ABCB1: variants seen among roughly 807,000 people sequenced by gnomAD.
ABCB1 encodes ATP binding cassette subfamily B member 1.
ABCB1 carries 69 observed loss-of-function variants against 142.0 expected under a neutral mutation model. The ratio of observed to expected loss-of-function variants is 0.49; its 90% confidence interval spans 0.40 to 0.59. ABCB1 has a LOEUF of 0.59. Ranked by LOEUF, ABCB1 falls within the 20% of genes least tolerant of loss-of-function variation. The pLI is 0.00. For synonymous variants in ABCB1, 532 were observed against 539.2 expected (o/e 0.99, Z 0.18); for missense variants, 1,326 against 1,554.7 (o/e 0.85, Z 2.47).
intron 20 of ABCB1, among the ~76,000 whole-genome samples, chr7:87,534,938 A>C (rs1234922570): frequency 7.2e-6 from 1 of 138,866 alleles, no homozygotes; most frequent in Non-Finnish European, 1.6e-5. Context: ...AAAAAAAAAA[A>C]AACTCCATTT....
chr7:87,553,968 T>G (rs1251057172), intron 8 of ABCB1, 36 bp from the exon 9 acceptor site: 1 of 1,571,396 alleles, frequency 6.4e-7, no homozygotes, highest in Non-Finnish European at 8.8e-7. Flanking sequence ...CATATACATT[T>G]TATGAAAACA....
chr7:87,658,615 A>C (rs1824367862), intron 1 of ABCB1, among the ~76,000 whole-genome samples: 1 of 152,208 alleles, frequency 6.6e-6, no homozygotes, highest in South Asian at 2.1e-4. Flanking sequence ...AAAGACAAAG[A>C]AAAAATGTTG....
intron 22 of ABCB1, among the ~76,000 whole-genome samples, chr7:87,520,275 T>C (rs1815440205): frequency 6.6e-6 from 1 of 152,160 alleles, no homozygotes; most frequent in Non-Finnish European, 1.5e-5. Context: ...CCTTTTATTA[T>C]AAGAAACAGA....
chr7:87,596,542 C>T (rs1038390626), intron 2 of ABCB1, among the ~76,000 whole-genome samples: 3 of 152,058 alleles, frequency 2.0e-5, no homozygotes, highest in Non-Finnish European at 4.4e-5. Context: ...CCATTTTCTA[C>T]TCTGTGTAAC....
chr7:87,656,779 T>C (rs1402841976), intron 1 of ABCB1, among the ~76,000 whole-genome samples: 1 of 152,210 alleles, frequency 6.6e-6, no homozygotes, highest in Non-Finnish European at 1.5e-5. Flanking sequence ...CTATTTTTCT[T>C]CTAAACTTAT....
At chr7:87,541,495 T>G (rs1248852477) in intron 17 of ABCB1, 31 bp from the exon 18 acceptor site, 1 of 1,463,746 alleles carries the variant, frequency 6.8e-7, no homozygotes, top group East Asian at 2.3e-5. Flanking sequence ...GATTTTTAGT[T>G]CAATCAGTGA....
chr7:87,621,561 A>T (rs1820223705), intron 1 of ABCB1, among the ~76,000 whole-genome samples: 2 of 152,162 alleles, frequency 1.3e-5, no homozygotes, highest in African/African-American at 4.8e-5. Flanking sequence ...TTATTATCTT[A>T]CCATACAGAA....
intron 1 of ABCB1, among the ~76,000 whole-genome samples, chr7:87,699,419 T>C (rs962281800): frequency 1.4e-4 from 21 of 152,246 alleles, no homozygotes; most frequent in African/African-American, 4.8e-4. Flanking sequence ...AGAATTCTTT[T>C]TTTTTACAGA....
intron 1 of ABCB1, among the ~76,000 whole-genome samples, chr7:87,711,579 A>G (rs1435887435): frequency 6.6e-6 from 1 of 152,124 alleles, no homozygotes; most frequent in Non-Finnish European, 1.5e-5. Context: ...TTTTCTTCAA[A>G]TCAAAAGTAT....
intron 7 of ABCB1, chr7:87,565,529 G>T: frequency 2.3e-6 from 1 of 428,014 alleles, no homozygotes; most frequent in Non-Finnish European, 4.6e-6. Flanking sequence ...GAAAGTATCT[G>T]TTTTCTTAAA....
intron 1 of ABCB1, among the ~76,000 whole-genome samples, chr7:87,677,143 G>A (rs991538216): frequency 6.6e-6 from 1 of 152,014 alleles, no homozygotes; most frequent in Admixed American, 6.6e-5. Flanking sequence ...ATTGAAAGAA[G>A]ATAAAATCAG....
rs1393550902 is a variant in ABCB1 at position 87,547,388 on chromosome 7, TA to T, written c.1726-1365del. Among the ~76,000 whole-genome samples the T allele has an allele frequency of 4.6e-5, 7 of 152,318 alleles. No individual in the cohort carries two copies. In the East Asian group the frequency reaches 1.4e-3, roughly 29 times the overall value. On this transcript the variant is annotated intron_variant, in intron 14 of 27. Transcript: ENST00000622132. ...AAATATAACCTTTTAAAATTGTTTT[TA>T]TTTATAATTTAATACATAGTTTCAC...
At chr7:87,626,000 G>A (rs947845946) in intron 1 of ABCB1, among the ~76,000 whole-genome samples, 6 of 135,964 alleles carry the variant, frequency 4.4e-5, no homozygotes, top group East Asian at 2.1e-4. Flanking sequence ...ACATATATAT[G>A]TATATGTACA....
In ABCB1 at chr7:87,504,666, T is replaced by G. The variant is rs546642204; in HGVS notation, c.3637-217A>C. ...CAAAAATACAAAAAATTAGCTGGGC[T>G]TGGTGGTGGGTGCCTGTAGTCCCAG... On this transcript the variant is annotated intron_variant, in intron 27 of 27. Transcript: ENST00000622132. Among the ~76,000 whole-genome samples the G allele has an allele frequency of 5.3e-3, 811 of 151,898 alleles. 2 individuals carry two copies. Among genetic ancestry groups the G allele is most frequent in the Middle Eastern group, 0.014 (4 of 294 alleles).
At chr7:87,510,860 G>A (rs1367859711) in intron 25 of ABCB1, among the ~76,000 whole-genome samples, 4 of 152,294 alleles carry the variant, frequency 2.6e-5, no homozygotes, top group East Asian at 1.9e-4. Context: ...AAAGTAGAGG[G>A]TGGAGAGAGA....
chr7:87,703,063 A>C (rs996932744), intron 1 of ABCB1, among the ~76,000 whole-genome samples: 5 of 152,224 alleles, frequency 3.3e-5, no homozygotes, highest in Non-Finnish European at 5.9e-5. Flanking sequence ...TAGAAATTAC[A>C]GAATGAAACA....
chr7:87,540,894 T>C (rs188231723), intron 18 of ABCB1, among the ~76,000 whole-genome samples: 1 of 152,374 alleles, frequency 6.6e-6, no homozygotes, highest in African/African-American at 2.4e-5. Context: ...GAAATGATTC[T>C]TTCTCCTTGA....
At chr7:87,533,814 T>G (rs1816166139) in intron 20 of ABCB1, among the ~76,000 whole-genome samples, 1 of 152,150 alleles carries the variant, frequency 6.6e-6, no homozygotes, top group Admixed American at 6.5e-5. Context: ...ACAGCTACAT[T>G]GGGCTTTCCT....
rs557186727 is a variant in ABCB1, at chr7:87,549,018, C to T, written c.1725+330G>A. On this transcript the variant is annotated intron_variant, in intron 14 of 27. Coordinates refer to ENST00000622132, the MANE Select transcript of ABCB1 (RefSeq NM_001348946.2). ...AAAACCTAAATAACAGGGTTATCCA[C>T]ATAGTCAAGTTTTGAAGATCACAAT... 3.9e-5 allele frequency among the ~76,000 whole-genome samples: 6 copies of T among 152,302 alleles called. No homozygotes were observed. The South Asian group carries it at 1.2e-3, about 32-fold the overall frequency.
Sources: gnomAD v4.1 joint callset for allele counts (sites outside exome capture counted in the v4.1 genomes callset) on GRCh38, gnomAD v4.1.1 for gene constraint, MANE v1.5 for transcripts, NCBI Gene and HGNC (gene_info 2026-07-23, HGNC 2026-07-21) for gene names.